MAP3K5: variants seen among roughly 807,000 people sequenced by gnomAD.
The protein encoded by MAP3K5 is ASK-1.
In MAP3K5, 56 loss-of-function variants were observed where a neutral mutation model predicts 158.7. That is an observed-to-expected ratio of 0.35 (90% CI 0.28 to 0.44). The LOEUF (loss-of-function observed/expected upper bound fraction) is 0.44. Ranked by LOEUF, MAP3K5 falls within the 20% of genes least tolerant of loss-of-function variation. The pLI is 1.00. For synonymous variants in MAP3K5, 579 were observed against 601.7 expected, an observed-to-expected ratio of 0.96 and a Z score of 0.55; for missense variants, 1,294 against 1,674.8, an observed-to-expected ratio of 0.77 and a Z score of 3.97.
chr6:136,780,716 C>T (rs1784580130), intron 1 of MAP3K5, among the ~76,000 whole-genome samples: 1 of 152,124 alleles, frequency 6.6e-6, no homozygotes, highest in African/African-American at 2.4e-5. Context: ...TGTTTAACTG[C>T]TATTAACTAT....
chr6:136,719,163 G>A (rs547048163), intron 2 of MAP3K5, among the ~76,000 whole-genome samples: 6 of 152,222 alleles, frequency 3.9e-5, no homozygotes, highest in African/African-American at 2.4e-5. Context: ...GTGAGAGAGC[G>A]AGATCCTGTC....
In MAP3K5 at chr6:136,681,902, G is replaced by C. The variant is rs978683073; in HGVS notation, c.1253+12238C>G. 3.3e-5 allele frequency among the ~76,000 whole-genome samples: 5 copies of C among 152,100 alleles called. No homozygotes were observed. In the South Asian group the frequency reaches 6.2e-4, roughly 19 times the overall value. On this transcript the variant is annotated intron_variant, in intron 7 of 29. Coordinates refer to ENST00000359015, the MANE Select transcript of MAP3K5 (RefSeq NM_005923.4). Reference sequence around the variant, plus strand: ...CCATTGCACTCCAGCCTGGGCAACAGAGCAAGACTCTGTTTTAAAAAAAAA... The same window carrying C: ...CCATTGCACTCCAGCCTGGGCAACACAGCAAGACTCTGTTTTAAAAAAAAA...
intron 1 of MAP3K5, among the ~76,000 whole-genome samples, chr6:136,758,029 A>G (rs566406844): frequency 6.6e-6 from 1 of 152,380 alleles, no homozygotes; most frequent in African/African-American, 2.4e-5. Context: ...CTTTCTGTAA[A>G]TAATTAAAAC....
intron 1 of MAP3K5, among the ~76,000 whole-genome samples, chr6:136,781,742 C>A (rs1784619882): frequency 6.6e-6 from 1 of 152,134 alleles, no homozygotes; most frequent in Admixed American, 6.6e-5. Flanking sequence ...CATTCTGACC[C>A]AACTGCATAA....
intron 11 of MAP3K5, among the ~76,000 whole-genome samples, chr6:136,649,493 A>G (rs1214940351): frequency 6.6e-6 from 1 of 152,228 alleles, no homozygotes; most frequent in Admixed American, 6.5e-5. Context: ...ATCTTCATAA[A>G]AATGCATGTG....
At position 136,709,069 on chromosome 6, in the gene MAP3K5, TCA is replaced by T. The variant is rs1781197073; in HGVS notation, c.589-3938_589-3937del. 6.6e-5 allele frequency among the ~76,000 whole-genome samples: 10 copies of T among 152,176 alleles called. No individual in the cohort carries two copies. The South Asian group carries it at 1.9e-3, about 28-fold the overall frequency. ...TCTTTATCTGTGTTGTCATTAATCC[TCA>T]CACACATCTCCTCGAAAGCACTTCA... On this transcript the variant is annotated intron_variant, in intron 2 of 29. Transcript: ENST00000359015.
At chr6:136,665,936 T>C (rs1779212107) in intron 8 of MAP3K5, among the ~76,000 whole-genome samples, 1 of 152,220 alleles carries the variant, frequency 6.6e-6, no homozygotes, top group Admixed American at 6.5e-5. Context: ...GTTCCAAACA[T>C]AGTGTTCTTT....
chr6:136,583,212 G>C (rs1396365854), intron 24 of MAP3K5, among the ~76,000 whole-genome samples: 3 of 152,094 alleles, frequency 2.0e-5, no homozygotes, highest in South Asian at 2.1e-4. Context: ...TTCTCATATA[G>C]CATTAGAAAA....
At chr6:136,774,906 T>C (rs1256413470) in intron 1 of MAP3K5, among the ~76,000 whole-genome samples, 1 of 152,230 alleles carries the variant, frequency 6.6e-6, no homozygotes, top group African/African-American at 2.4e-5. Context: ...AGGTTTTTCA[T>C]TATTGTGTAA....
chr6:136,651,546 A>G (rs1778519759), intron 10 of MAP3K5, among the ~76,000 whole-genome samples: 1 of 152,184 alleles, frequency 6.6e-6, no homozygotes, highest in Non-Finnish European at 1.5e-5. Context: ...ATGTAGTAGT[A>G]TGGTTTTCAT....
At chr6:136,641,492 A>G (rs1777930808) in intron 12 of MAP3K5, among the ~76,000 whole-genome samples, 1 of 151,928 alleles carries the variant, frequency 6.6e-6, no homozygotes, top group Non-Finnish European at 1.5e-5. Flanking sequence ...TTAACCACTG[A>G]CTCTTGATTC....
intron 1 of MAP3K5, among the ~76,000 whole-genome samples, chr6:136,721,057 G>A (rs1781727595): frequency 6.6e-6 from 1 of 152,144 alleles, no homozygotes; most frequent in African/African-American, 2.4e-5. Context: ...GGGATTACAG[G>A]TGTGAGCCAC....
chr6:136,695,984 T>C lies in MAP3K5; in HGVS notation c.1049A>G (p.His350Arg). The C allele has an allele frequency of 6.2e-7, 1 of 1,613,690 alleles. No individual in the cohort carries two copies. The highest frequency in any genetic ancestry group is 2.2e-5 in the East Asian group (1 of 44,800). Residue 350 changes from histidine to arginine, a missense_variant, in exon 6 of 30, where the codon CAT becomes CGT. Around this residue, in one of 5 missense-constraint regions of MAP3K5, gnomAD observed 690 missense variants for 870.5 expected, o/e 0.79. Coordinates refer to ENST00000359015, the MANE Select transcript of MAP3K5 (RefSeq NM_005923.4). Reference sequence around the variant, plus strand: ...TGCAAATGCATAATGAAACTTCACATGGTGATGGGAGGCCAAATCAAAGGT... The same window carrying C: ...TGCAAATGCATAATGAAACTTCACACGGTGATGGGAGGCCAAATCAAAGGT... ...LPTFDLASHH[H>R]VKFHYAFALN... is the part of the protein sequence containing the mutation.
chr6:136,694,500 C>T (rs1300565126), intron 6 of MAP3K5, among the ~76,000 whole-genome samples, 190 bp from the exon 7 acceptor site: 3 of 152,262 alleles, frequency 2.0e-5, no homozygotes, highest in African/African-American at 7.2e-5. Flanking sequence ...CATTGTATGT[C>T]TACTAGGTCT....
At chr6:136,564,253 C>A (rs1456898804) in intron 26 of MAP3K5, among the ~76,000 whole-genome samples, 2 of 152,174 alleles carry the variant, frequency 1.3e-5, no homozygotes, top group African/African-American at 4.8e-5. Context: ...CCCATTCCCA[C>A]AGGACATAAA....
At chr6:136,706,285 TAC>T (rs1365224163) in intron 2 of MAP3K5, among the ~76,000 whole-genome samples, 1 of 151,994 alleles carries the variant, frequency 6.6e-6, no homozygotes, top group East Asian at 1.9e-4. Context: ...ATGGGATAAG[TAC>T]ACAGTGTGGG....
intron 11 of MAP3K5, among the ~76,000 whole-genome samples, chr6:136,648,436 G>T (rs889727116): frequency 6.6e-6 from 1 of 152,158 alleles, no homozygotes; most frequent in African/African-American, 2.4e-5. Flanking sequence ...ATTGGAGAAA[G>T]ACCACAGTTC....
At chr6:136,724,678 T>G (rs1040814341) in intron 1 of MAP3K5, among the ~76,000 whole-genome samples, 1 of 152,220 alleles carries the variant, frequency 6.6e-6, no homozygotes, top group Admixed American at 6.5e-5. Context: ...AATTTTAAAA[T>G]ACAGTAATAC....
At chr6:136,701,968 C>A (rs1162128406) in intron 3 of MAP3K5, among the ~76,000 whole-genome samples, 2 of 152,088 alleles carry the variant, frequency 1.3e-5, no homozygotes, top group Non-Finnish European at 2.9e-5. Context: ...GAGAGAATGA[C>A]TATCAGATGT....
Sources: allele counts gnomAD v4.1 joint callset (sites outside exome capture counted in the v4.1 genomes callset), GRCh38; gene constraint gnomAD v4.1.1; regional missense constraint gnomAD v4.1.1; transcripts MANE v1.5; gene names NCBI Gene and HGNC (gene_info 2026-07-23, HGNC 2026-07-21).